The following SIGIRR variants were observed in gnomAD, a reference collection of about 807,000 sequenced individuals.
SIGIRR encodes single Ig and TIR domain containing.
In SIGIRR, 41 loss-of-function variants were observed where a neutral mutation model predicts 45.6. The observed-to-expected ratio is 0.90, with a 90% CI of 0.70 to 1.17. The LOEUF (loss-of-function observed/expected upper bound fraction) is 1.17. Among genes scored for constraint, SIGIRR ranks in the 50% most tolerant of loss-of-function variants. The pLI is 0.00. For synonymous variants in SIGIRR, 298 were observed against 239.0 expected (o/e 1.25, Z -2.28); for missense variants, 599 against 539.6 (o/e 1.11, Z -1.09).
chr11:415,488 G>A (rs970678060), upstream of SIGIRR, among the ~76,000 whole-genome samples: 1 of 152,106 alleles, frequency 6.6e-6, no homozygotes, highest in African/African-American at 2.4e-5. This position sits in a 1 kb window ranked among gnomAD's most constrained non-coding sequence, Gnocchi z 6.6. Flanking sequence ...GGAGCCAAGG[G>A]GCCGGTTTGC....
intron 2 of SIGIRR, chr11:409,334 G>T (rs1286257148): frequency 3.1e-6 from 1 of 317,950 alleles, no homozygotes; most frequent in Admixed American, 4.3e-5. Flanking sequence ...GCACCAGTGG[G>T]TTTGGGGACC....
In SIGIRR at chr11:405,738, T is replaced by G; in HGVS notation, c.*158A>C. ...CAGCAGAATCCAAAAGGACTTTATTTTCTGGCACTGGGAGGCGCCCTGAGG... is the reference window on the plus strand; with the variant it reads ...CAGCAGAATCCAAAAGGACTTTATTGTCTGGCACTGGGAGGCGCCCTGAGG... On this transcript the variant is annotated 3_prime_UTR_variant, in exon 10 of 10. Transcript: ENST00000431843. 1.2e-6 allele frequency: 1 copy of G among 825,374 alleles called. No homozygotes were observed. Among genetic ancestry groups the G allele is most frequent in the Non-Finnish European group, 1.8e-6 (1 of 552,014 alleles). The allele number at this position is 825,374 out of a possible 1,614,324, so 51.1% of individuals were successfully genotyped here.
rs765410244 is a variant in SIGIRR at position 407,555 on chromosome 11, G to A, written c.495C>T (p.Tyr165=). The A allele has an allele frequency of 1.9e-6, 3 of 1,608,244 alleles. No individual in the cohort carries two copies. The highest frequency in any genetic ancestry group is 1.7e-5 in the Admixed American group (1 of 59,714). Residue 165 remains tyrosine (Y), a synonymous_variant, in exon 6 of 10, where the codon TAC becomes TAT. Coordinates refer to ENST00000431843, the MANE Select transcript of SIGIRR (RefSeq NM_001135054.2). ...AGTCGCTGTAGGAGACGTAGGCGTC[G>A]TAGAGCTTCCCGTCTGCGGACGGCG... ...GEVEINDGKL[Y]DAYVSYSDCP...
At chr11:406,592 C>T in intron 8 of SIGIRR, 54 bp from the exon 9 acceptor site, 1 of 1,537,794 alleles carries the variant, frequency 6.5e-7, no homozygotes, top group Non-Finnish European at 8.7e-7. Flanking sequence ...AAGCCCCTGG[C>T]GTCCTGGCCC....
chr11:407,838 A>G lies in SIGIRR; in HGVS notation c.460T>C (p.Tyr154His). 6.2e-7 allele frequency: 1 copy of G among 1,612,418 alleles called. No individual in the cohort carries two copies. Among genetic ancestry groups the G allele is most frequent in the Non-Finnish European group, 8.5e-7 (1 of 1,179,788 alleles). Residue 154 changes from tyrosine to histidine, a missense_variant, in exon 5 of 10, where the codon TAT (tyrosine) becomes CAT (histidine). Physicochemically the swap from Tyr to His is moderately conservative, Grantham distance 83 (BLOSUM62 2). Coordinates refer to ENST00000431843, the MANE Select transcript of SIGIRR (RefSeq NM_001135054.2). The part of the protein sequence containing the change: ...LNVLLWYQDA[Y>H]GEVEINDGKL... ...GCACCGTTTATCTCCACCTCCCCAT[A>G]CGCGTCCTGGTACCAGAGCAGCACG...
rs747121749 is a variant in SIGIRR, at chr11:406,963, G to A, written c.759C>T (p.Thr253=). Residue 253 remains threonine (T), a synonymous_variant, in exon 8 of 10, where the codon ACC becomes ACT. Transcript: ENST00000431843. ...REGLCRLLEL[T]RRPIFITFEG... ...CGAAGGTGATGAAGATGGGTCTGCG[G>A]GTGAGCTCCAGCAGCCGGCACAGGC... 17 of 1,601,828 alleles carry A rather than the reference G, an allele frequency of 1.1e-5. No homozygotes were observed. Among genetic ancestry groups the A allele is most frequent in the Non-Finnish European group, 1.4e-5 (17 of 1,177,624 alleles).
chr11:407,920 G>A lies in SIGIRR; in HGVS notation c.378C>T (p.Leu126=), dbSNP rs1207891711. ...TSHVAAVLAS[L]LVLLALLLAA... The stretch of plus-strand genomic sequence containing the variant: ...CCAGCAGCAGGGCCAGCAGGACCAG[G>A]AGGGAGGCCAGCACCGCAGCCACGT... The change falls in exon 5 of 10, where the codon CTC becomes CTT. Residue 126 remains leucine, a synonymous_variant. Coordinates refer to ENST00000431843, the MANE Select transcript of SIGIRR (RefSeq NM_001135054.2). 1.2e-6 allele frequency: 2 copies of A among 1,611,928 alleles called. No individual in the cohort carries two copies. Among genetic ancestry groups the A allele is most frequent in the African/African-American group, 2.7e-5 (2 of 74,924 alleles).
rs1384596784 is a variant in SIGIRR, at chr11:405,790, C to A, written c.*106G>T. On this transcript the variant is annotated 3_prime_UTR_variant, in exon 10 of 10. Coordinates refer to ENST00000431843, the MANE Select transcript of SIGIRR (RefSeq NM_001135054.2). ...CACAGCCTTTTCCCAGGGCTGCTGG[C>A]AGGGTCCCAGGGCTGCTGGCAGGGG... 3 of 1,389,370 alleles carry A rather than the reference C, an allele frequency of 2.2e-6. No homozygotes were observed. The highest frequency in any genetic ancestry group is 4.7e-5 in the East Asian group (2 of 42,198). 86.1% of individuals were successfully genotyped at this position (1,389,370 alleles called of 1,614,324 possible).
rs1564887281 is a variant in SIGIRR, at chr11:406,948, GA to G, written c.773del (p.Phe258SerfsTer26). The G allele has an allele frequency of 6.2e-7, 1 of 1,602,748 alleles. No individual in the cohort carries two copies. Among genetic ancestry groups the G allele is most frequent in the Non-Finnish European group, 8.5e-7 (1 of 1,178,108 alleles). ...CGCGCCTCTGGCCCTCGAAGGTGAT[GA>G]AGATGGGTCTGCGGGTGAGCTCCAG... ...RLLELTRRPI[F>X]ITFEGQRRDP... On this transcript the variant is annotated frameshift_variant, in exon 8 of 10. Coordinates refer to ENST00000431843, the MANE Select transcript of SIGIRR (RefSeq NM_001135054.2). LOFTEE classifies it high-confidence loss of function.
At chr11:409,097 C>T in intron 2 of SIGIRR, 1 of 610,248 alleles carries the variant, frequency 1.6e-6, no homozygotes, top group South Asian at 1.9e-5. Flanking sequence ...TCCGCCCACC[C>T]TGTGCTGAGG....
rs1564886856 is a variant in SIGIRR at position 406,742 on chromosome 11, G to A, written c.879+101C>T. ...CCCCAGGGCCCATTCACAAAGCGTG[G>A]TGCCGCAGAGCTCCCCACGGAGGGG... On this transcript the variant is annotated intron_variant, in intron 8 of 9. Transcript: ENST00000431843. 5 of 1,430,350 alleles carry A rather than the reference G, an allele frequency of 3.5e-6. No individual in the cohort carries two copies. The South Asian group carries it at 7.3e-5, about 21-fold the overall frequency. 88.6% of individuals were successfully genotyped at this position (1,430,350 alleles called of 1,614,324 possible).
rs1847457842 is a variant in SIGIRR, at chr11:408,620, G to A, written c.206+75C>T. 11 of 1,553,180 alleles carry A rather than the reference G, an allele frequency of 7.1e-6. No individual in the cohort carries two copies. The Admixed American group carries it at 1.8e-4, about 26-fold the overall frequency. On this transcript the variant is annotated intron_variant, in intron 3 of 9. Coordinates refer to ENST00000431843, the MANE Select transcript of SIGIRR (RefSeq NM_001135054.2). ...GTCTGGCCAGGTGGTTACAGACCCA[G>A]GCATAGGTCAGGGAGACCACTGCCC...
At chr11:408,574 G>A (rs1847456492) in intron 3 of SIGIRR, 121 bp downstream of exon 3, 3 of 1,197,472 alleles carry the variant, frequency 2.5e-6, no homozygotes, top group Admixed American at 1.7e-5. Flanking sequence ...TGGGTCCACA[G>A]AGGCACTCTG....
rs1847269695 is a variant in SIGIRR at position 405,941 on chromosome 11, A to G, written c.1188T>C (p.Ser396=). 1.2e-6 allele frequency: 2 copies of G among 1,611,252 alleles called. No homozygotes were observed. Among genetic ancestry groups the G allele is most frequent in the Non-Finnish European group, 8.5e-7 (1 of 1,179,188 alleles). Residue 396 remains serine, a synonymous_variant, in exon 10 of 10, where the codon AGT becomes AGC. Coordinates refer to ENST00000431843, the MANE Select transcript of SIGIRR (RefSeq NM_001135054.2). The part of the protein sequence containing the change: ...DVSDLGSRNY[S]ARTDFYCLVS... ...CCAGGCAGTAGAAGTCTGTGCGGGC[A>G]CTGTAGTTTCGCGAGCCGAGATCCG... is the stretch of plus-strand genomic sequence containing the variant.
At chr11:417,029 C>T (rs1847905911), upstream of SIGIRR, among the ~76,000 whole-genome samples, 1 of 152,208 alleles carries the variant, frequency 6.6e-6, no homozygotes, top group African/African-American at 2.4e-5. This position sits in a 1 kb window ranked among gnomAD's most constrained non-coding sequence, Gnocchi z 4.2. Flanking sequence ...CTCCTAGCCC[C>T]GCTCTGTTCT....
intron 2 of SIGIRR, 47 bp downstream of exon 2, chr11:409,818 CAGG>C (rs768042310): frequency 8.1e-6 from 11 of 1,365,610 alleles, no homozygotes; most frequent in Non-Finnish European, 8.5e-6. Flanking sequence ...GCCTGAGGGG[CAGG>C]AGGTGGGAGT....
At chr11:406,264 C>G in intron 9 of SIGIRR, 85 bp downstream of exon 9, 1 of 1,554,040 alleles carries the variant, frequency 6.4e-7, no homozygotes. Context: ...ACCTGGAGCC[C>G]CTCCAGGCCC....
chr11:411,715 TGGGG>T (rs553392063), intron 1 of SIGIRR, among the ~76,000 whole-genome samples: 1 of 4,566 alleles, frequency 2.2e-4, no homozygotes, highest in Non-Finnish European at 4.4e-4. Context: ...ATACAGTCGG[TGGGG>T]GGGGGGGGTG....
In SIGIRR at chr11:409,969, G is replaced by A; in HGVS notation, c.-95C>T. 3.2e-6 allele frequency: 4 copies of A among 1,254,412 alleles called. No individual in the cohort carries two copies. Among genetic ancestry groups the A allele is most frequent in the Non-Finnish European group, 4.0e-6 (4 of 996,758 alleles). 77.7% of individuals were successfully genotyped at this position (1,254,412 alleles called of 1,614,324 possible). On this transcript the variant is annotated 5_prime_UTR_variant, in exon 2 of 10. Coordinates refer to ENST00000431843, the MANE Select transcript of SIGIRR (RefSeq NM_001135054.2). ...GGCCAGCAGACTGATCCAAGAGCTGGGCAGGACTCCTCTCTGTCCTTGCAG... is the reference window on the plus strand; with the variant it reads ...GGCCAGCAGACTGATCCAAGAGCTGAGCAGGACTCCTCTCTGTCCTTGCAG...
Sources: allele counts gnomAD v4.1 joint callset (sites outside exome capture counted in the v4.1 genomes callset), GRCh38; gene constraint gnomAD v4.1.1; non-coding constraint Gnocchi (gnomAD v3.1); transcripts MANE v1.5; gene names NCBI Gene and HGNC (gene_info 2026-07-23, HGNC 2026-07-21).